The following TBC1D1 variants were observed in gnomAD, a reference collection of about 807,000 sequenced individuals.
TBC1D1 encodes TBC1 (tre-2/USP6, BUB2, cdc16) domain family, member 1.
TBC1D1 carries 89 observed loss-of-function variants against 125.6 expected under a neutral mutation model. The observed-to-expected ratio is 0.71, with a 90% CI of 0.60 to 0.85. The LOEUF (loss-of-function observed/expected upper bound fraction) is 0.85, where lower values mean the gene tolerates loss of function less well. TBC1D1 is among the 40% of genes least tolerant of loss of function. TBC1D1 has a pLI of 0.00. For synonymous variants in TBC1D1, 565 were observed against 564.1 expected, an observed-to-expected ratio of 1.00 and a Z score of -0.02; for missense variants, 1,377 against 1,469.2, an observed-to-expected ratio of 0.94 and a Z score of 1.03.
At chr4:37,993,112 C>G (rs116912919) in intron 2 of TBC1D1, among the ~76,000 whole-genome samples, 1 of 150,794 alleles carries the variant, frequency 6.6e-6, no homozygotes, top group Non-Finnish European at 1.5e-5. Context: ...CCTGGTGATT[C>G]TTTAAATAGG....
intron 2 of TBC1D1, among the ~76,000 whole-genome samples, chr4:37,951,625 C>A (rs949747625): frequency 1.3e-5 from 2 of 152,130 alleles, no homozygotes; most frequent in African/African-American, 2.4e-5. Flanking sequence ...GGGGAAGGAA[C>A]CTTGTGACAC....
chr4:38,053,336 T>A, intron 11 of TBC1D1, 111 bp downstream of exon 13: 1 of 954,862 alleles, frequency 1.0e-6, no homozygotes, highest in African/African-American at 1.7e-5. Context: ...TCATTTCAGC[T>A]AAATCTGTTG....
In TBC1D1 at chr4:37,977,511, G is replaced by T; in HGVS notation, c.418-36998G>T. 1.0e-6 allele frequency: 1 copy of T among 993,318 alleles called. No individual in the cohort carries two copies. 61.5% of individuals were successfully genotyped at this position (993,318 alleles called of 1,614,324 possible). A position where few individuals can be genotyped will look rare whatever the true frequency, so the allele number is the denominator to read the frequency against. On this transcript the variant is annotated intron_variant, in intron 2 of 19. Coordinates refer to ENST00000261439, the MANE Select transcript of TBC1D1 (RefSeq NM_015173.4). This position sits in a 1 kb window ranked among gnomAD's most constrained non-coding sequence, Gnocchi z 4.3. Reference sequence around the variant, plus strand: ...CCGCCCGGCCCGCGATGTCACCATTGTTCAGCTGGGTGGCCAAGGTAGGCG... The same window carrying T: ...CCGCCCGGCCCGCGATGTCACCATTTTTCAGCTGGGTGGCCAAGGTAGGCG...
At chr4:37,934,703 C>T (rs1312239552) in intron 2 of TBC1D1, among the ~76,000 whole-genome samples, 1 of 152,182 alleles carries the variant, frequency 6.6e-6, no homozygotes, top group Admixed American at 6.5e-5. Context: ...GAGGGGCTTT[C>T]TTTCTAGCCT....
At chr4:38,005,169 A>G (rs896218807) in intron 2 of TBC1D1, among the ~76,000 whole-genome samples, 2 of 152,192 alleles carry the variant, frequency 1.3e-5, no homozygotes, top group Non-Finnish European at 2.9e-5. Flanking sequence ...CAGGATGCGG[A>G]AAAAGGGTGT....
chr4:38,078,543 A>C (rs1464248302), intron 12 of TBC1D1, among the ~76,000 whole-genome samples: 3 of 152,132 alleles, frequency 2.0e-5, no homozygotes, highest in East Asian at 1.9e-4. Context: ...AGTTTAGATG[A>C]GATTGTGTGA....
chr4:38,055,254 G>A (rs567868205), intron 12 of TBC1D1, among the ~76,000 whole-genome samples: 31 of 152,248 alleles, frequency 2.0e-4, no homozygotes, highest in Admixed American at 1.8e-3. Context: ...CTCTCCTGCC[G>A]TCCTCATGTC....
chr4:38,008,752 C>A (rs1490684895), intron 2 of TBC1D1, among the ~76,000 whole-genome samples: 1 of 152,214 alleles, frequency 6.6e-6, no homozygotes, highest in Non-Finnish European at 1.5e-5. Context: ...CATTAGATCA[C>A]CACAGCATGA....
At position 38,044,486 on chromosome 4, in the gene TBC1D1, C is replaced by T; in HGVS notation, c.1538C>T (p.Ser513Phe). ...ACAGAGTCTTTAGAAAGTATTTTGT[C>T]CCGGGTAAGTAGCATAATTTCTCCT... Residue 513 changes from serine to phenylalanine, a missense_variant, in exon 9 of 20, where the codon TCC becomes TTC. Physicochemically the swap from Ser to Phe is radical, Grantham distance 155 (BLOSUM62 -2). Transcript: ENST00000261439. The T allele has an allele frequency of 6.2e-7, 1 of 1,609,042 alleles. No homozygotes were observed. The highest frequency in any genetic ancestry group is 8.5e-7 in the Non-Finnish European group (1 of 1,178,778).
intron 1 of TBC1D1, among the ~76,000 whole-genome samples, chr4:37,897,407 A>G (rs1438722456): frequency 2.0e-5 from 3 of 152,208 alleles, no homozygotes; most frequent in Non-Finnish European, 4.4e-5. Context: ...ATAAATAATT[A>G]TGGCTATGTT....
intron 1 of TBC1D1, among the ~76,000 whole-genome samples, chr4:37,896,442 C>T (rs76115515): frequency 6.6e-6 from 1 of 152,182 alleles, no homozygotes; most frequent in South Asian, 2.1e-4. Context: ...ACCTCCCCCA[C>T]ATTTTTGTTC....
rs1281244606 is a variant in TBC1D1 at position 38,133,112 on chromosome 4, T to G, written c.3161T>G (p.Leu1054Ter). The G allele has an allele frequency of 6.2e-7, 1 of 1,614,096 alleles. No homozygotes were observed. Among genetic ancestry groups the G allele is most frequent in the Non-Finnish European group, 8.5e-7 (1 of 1,179,996 alleles). ...TTTGAAATGGACATCGCTAAACAGT[T>G]ACAAGCTTATGAAGTTGAGTACCAC... The change falls in exon 19 of 20, where the codon TTA (leucine) becomes TGA (stop). Residue 1054 changes from leucine to a stop codon, truncating the protein, a stop_gained. Transcript: ENST00000261439. LOFTEE classifies it high-confidence loss of function.
chr4:38,090,978 A>T (rs1758325334), intron 13 of TBC1D1, among the ~76,000 whole-genome samples: 1 of 152,222 alleles, frequency 6.6e-6, no homozygotes, highest in Non-Finnish European at 1.5e-5. Flanking sequence ...AGTCATTAAG[A>T]CACCAACTCT....
intron 14 of TBC1D1, among the ~76,000 whole-genome samples, chr4:38,097,283 C>T (rs1759512654): frequency 6.6e-6 from 1 of 152,012 alleles, no homozygotes; most frequent in African/African-American, 2.4e-5. Flanking sequence ...CTGCCTCAGC[C>T]TCCTGACTAG....
intron 14 of TBC1D1, among the ~76,000 whole-genome samples, chr4:38,099,255 AT>A (rs1759885821): frequency 6.6e-6 from 1 of 152,258 alleles, no homozygotes; most frequent in African/African-American, 2.4e-5. Flanking sequence ...CCCATGTCAT[AT>A]TCCTTGAAAA....
chr4:37,939,556 G>A (rs1457881795), intron 2 of TBC1D1, among the ~76,000 whole-genome samples: 1 of 152,160 alleles, frequency 6.6e-6, no homozygotes, highest in Non-Finnish European at 1.5e-5. Flanking sequence ...TTTGGCTTCT[G>A]TTGCCATTGC....
rs774091643 is a variant in TBC1D1, at chr4:38,020,600, C to T, written c.982C>T (p.His328Tyr). 8.1e-6 allele frequency: 13 copies of T among 1,612,642 alleles called. No homozygotes were observed. Among genetic ancestry groups the T allele is most frequent in the African/African-American group, 1.3e-5 (1 of 74,906 alleles). Residue 328 changes from histidine to tyrosine, a missense_variant, in exon 5 of 20, where the codon CAC becomes TAC. Transcript: ENST00000261439. ...TCTCTCCCTTTGGCAGGGCATCAGA[C>T]ACGTGGACCACTTTGGGTTTATCTG...
intron 13 of TBC1D1, 68 bp from the exon 16 acceptor site, chr4:38,095,861 C>A: frequency 6.8e-7 from 1 of 1,479,572 alleles, no homozygotes; most frequent in Non-Finnish European, 9.1e-7. Flanking sequence ...AAGTAGGCAG[C>A]CATGTTGTGT....
intron 2 of TBC1D1, among the ~76,000 whole-genome samples, chr4:37,907,420 G>A (rs563020746): frequency 6.6e-6 from 1 of 151,964 alleles, no homozygotes; most frequent in South Asian, 2.1e-4. Context: ...TTCATCTGTT[G>A]CCCAGGCTGG....
Sources: gnomAD v4.1 joint callset for allele counts (sites outside exome capture counted in the v4.1 genomes callset) on GRCh38, gnomAD v4.1.1 for gene constraint, Gnocchi (gnomAD v3.1) non-coding constraint, MANE v1.5 for transcripts, NCBI Gene and HGNC (gene_info 2026-07-23, HGNC 2026-07-21) for gene names.